The following CALM2 variants were observed in gnomAD, a reference collection of about 807,000 sequenced individuals.
The protein encoded by CALM2 is calmodulin-2.
CALM2 carries 2 observed loss-of-function variants against 19.8 expected under a neutral mutation model. That is an observed-to-expected ratio of 0.10 (90% CI 0.04 to 0.32). CALM2 has a LOEUF of 0.32. Among genes scored for constraint, CALM2 ranks in the 10% least tolerant of loss-of-function variants. The pLI is 1.00. For missense variants in CALM2, 38 were observed against 178.7 expected, an observed-to-expected ratio of 0.21 and a Z score of 4.49; for synonymous variants, 51 against 52.1, an observed-to-expected ratio of 0.98 and a Z score of 0.09.
At chr2:47,171,678 AT>A (rs1174129675) in intron 1 of CALM2, 1 of 152,194 alleles carries the variant, frequency 6.6e-6, no homozygotes, top group Non-Finnish European at 1.5e-5. Flanking sequence ...ATATACATCC[AT>A]GAAGCAACTG....
chr2:47,162,814 C>T (rs1396513099), intron 2 of CALM2, 152 bp from the exon 3 acceptor site: 5 of 579,456 alleles, frequency 8.6e-6, no homozygotes, highest in East Asian at 6.5e-5. Context: ...TAAGACCCCA[C>T]GTCTCAGAAA....
chr2:47,166,597 C>G (rs1264749915), intron 2 of CALM2, among the ~76,000 whole-genome samples: 3 of 152,120 alleles, frequency 2.0e-5, no homozygotes, highest in Admixed American at 2.0e-4. Flanking sequence ...AAGGTTTATT[C>G]CAAATTTTTA....
Position 47,175,097 on chromosome 2 carries a change from T to TTTTTTTTTTTTTCC in CALM2, c.3+1343_3+1344insGGAAAAAAAAAAAA, listed in dbSNP as rs751897252. Among the ~76,000 whole-genome samples the TTTTTTTTTTTTTCC allele has an allele frequency of 2.2e-4, 28 of 126,648 alleles. 5 individuals carry two copies. The highest frequency in any genetic ancestry group is 1.1e-3 in the African/African-American group (27 of 25,508). 83.1% of individuals were successfully genotyped at this position (126,648 alleles called of 152,430 possible). A position where few individuals can be genotyped will look rare whatever the true frequency, so the allele number is the denominator to read the frequency against. On this transcript the variant is annotated intron_variant, in intron 1 of 5. Transcript: ENST00000272298. The stretch of plus-strand genomic sequence containing the variant: ...TCATTAGGTGTTTTTTTTTTTTTTT[T>TTTTTTTTTTTTTCC]TCAGGAAAGAACATGATCTCCCAGT...
intron 3 of CALM2, 27 bp downstream of exon 3, chr2:47,162,492 C>T: frequency 6.2e-7 from 1 of 1,613,896 alleles, no homozygotes; most frequent in Non-Finnish European, 8.5e-7. Context: ...TTCAACCCCT[C>T]CCAGCCCCAC....
chr2:47,176,701 G>A (rs112074143), upstream of CALM2: 180 of 1,404,178 alleles, frequency 1.3e-4, 1 homozygote, highest in African/African-American at 2.1e-3. Context: ...GCGAACGGAT[G>A]ACGTAAGTGG....
At chr2:47,167,814 C>CTTTTCTTTTCTTTTTTTTTTTT in intron 2 of CALM2, 1 of 96,526 alleles carries the variant, frequency 1.0e-5, no homozygotes, top group Non-Finnish European at 1.8e-5. Context: ...TTTTTCTTTT[C>CTTTTCTTTTCTTTTTTTTTTTT]TTTGAGACAG....
At position 47,161,626 on chromosome 2, in the gene CALM2, C is replaced by G. The variant is rs2454084; in HGVS notation, c.421+97G>C. The G allele has an allele frequency of 0.8, 833,315 of 1,040,338 alleles. 321,512 individuals carry two copies. The highest frequency in any genetic ancestry group is 0.87 in the East Asian group (33,878 of 39,076). The allele number at this position is 1,040,338 out of a possible 1,614,324, so 64.4% of individuals were successfully genotyped here. A position where few individuals can be genotyped will look rare whatever the true frequency, so the allele number is the denominator to read the frequency against. The stretch of plus-strand genomic sequence containing the variant: ...AGTAACTGTTTTAGCAACCTAATTT[C>G]AGGGGAAGGGTCACTAATTTCGATC... On this transcript the variant is annotated intron_variant, in intron 5 of 5. Transcript: ENST00000272298.
intron 2 of CALM2, among the ~76,000 whole-genome samples, chr2:47,164,286 A>AACAC (rs202205834): frequency 1.4e-4 from 20 of 139,972 alleles, no homozygotes; most frequent in Middle Eastern, 3.5e-3. Context: ...TCTCTACTAA[A>AACAC]ACACACACAC....
At chr2:47,169,198 G>C (rs1035070312) in intron 2 of CALM2, among the ~76,000 whole-genome samples, 2 of 152,204 alleles carry the variant, frequency 1.3e-5, no homozygotes, top group African/African-American at 4.8e-5. Context: ...ACCTGTACCT[G>C]ACTGGGAATA....
At chr2:47,175,079 G>C (rs79228988) in intron 1 of CALM2, among the ~76,000 whole-genome samples, 400 of 11,054 alleles carry the variant, frequency 0.036, 12 homozygotes, top group East Asian at 0.28. Context: ...CCCTCATTAG[G>C]TGTTTTTTTT....
intron 4 of CALM2, 110 bp downstream of exon 4, chr2:47,162,176 A>ATC (rs1687178460): frequency 5.6e-6 from 1 of 178,030 alleles, no homozygotes; most frequent in African/African-American, 6.7e-5. Context: ...ATCATCAAAA[A>ATC]AAAAAAAAAA....
At chr2:47,164,604 AAAAAG>A (rs1666396811) in intron 2 of CALM2, among the ~76,000 whole-genome samples, 3 of 152,272 alleles carry the variant, frequency 2.0e-5, no homozygotes, top group South Asian at 2.1e-4. Context: ...TCAAAAAAAA[AAAAAG>A]AAAGAAAGAA....
Position 47,162,507 on chromosome 2 carries a change from T to C in CALM2, c.178+12A>G, listed in dbSNP as rs376209800. The C allele has an allele frequency of 2.4e-5, 38 of 1,613,982 alleles. 1 individual carries two copies. Among genetic ancestry groups the C allele is most frequent in the African/African-American group, 1.7e-4 (13 of 74,920 alleles). Reference sequence around the variant, plus strand: ...TTCAACCCCTCCCAGCCCCACAAAATTGAAGACTTACCATCAGCATCTACT... The same window carrying C: ...TTCAACCCCTCCCAGCCCCACAAAACTGAAGACTTACCATCAGCATCTACT... On this transcript the variant is annotated intron_variant, in intron 3 of 5. Coordinates refer to ENST00000272298, the MANE Select transcript of CALM2 (RefSeq NM_001743.6).
intron 2 of CALM2, chr2:47,167,470 G>C (rs901033729): frequency 6.3e-6 from 1 of 159,546 alleles, no homozygotes; most frequent in Non-Finnish European, 1.4e-5. Context: ...AAGGTAAGCG[G>C]ATCACCTGAC....
Position 47,176,423 on chromosome 2 carries a change from G to A in CALM2, c.3+18C>T. On this transcript the variant is annotated intron_variant, in intron 1 of 5. Transcript: ENST00000272298. ...TCCCCCCACAGGCCCAGCGCCGGCA[G>A]CTCAGCGATGCACTCACCATGCTGC... The A allele has an allele frequency of 6.2e-7, 1 of 1,612,830 alleles. No individual in the cohort carries two copies. The highest frequency in any genetic ancestry group is 8.5e-7 in the Non-Finnish European group (1 of 1,179,864).
At chr2:47,161,993 TG>T in intron 4 of CALM2, 135 bp from the exon 5 acceptor site, 1 of 741,380 alleles carries the variant, frequency 1.3e-6, no homozygotes, top group Non-Finnish European at 2.2e-6. Context: ...TCTACACAGT[TG>T]ACCTACAAAT....
Position 47,162,566 on chromosome 2 carries a change from G to A in CALM2, c.131C>T (p.Pro44Leu). The A allele has an allele frequency of 6.2e-7, 1 of 1,613,918 alleles. No individual in the cohort carries two copies. The highest frequency in any genetic ancestry group is 8.5e-7 in the Non-Finnish European group (1 of 1,179,900). The change falls in exon 3 of 6, where the codon CCC becomes CTC. Residue 44 changes from proline (P) to leucine (L), a missense_variant. Transcript: ENST00000272298. ...CATGTCCTGTAACTCTGCTTCTGTG[G>A]GATTCTGCCCAAGAGATCTCATTAC... Reference protein sequence around the residue: ...GTVMRSLGQNPTEAELQDMIN... With the variant: ...GTVMRSLGQNLTEAELQDMIN...
chr2:47,169,231 T>C (rs1452946825), intron 2 of CALM2, among the ~76,000 whole-genome samples: 1 of 152,166 alleles, frequency 6.6e-6, no homozygotes, highest in African/African-American at 2.4e-5. Flanking sequence ...TTACAGAAGG[T>C]CAGAGTTTAA....
intron 2 of CALM2, among the ~76,000 whole-genome samples, chr2:47,164,798 T>G (rs1411648706): frequency 2.6e-5 from 4 of 152,182 alleles, no homozygotes; most frequent in Admixed American, 6.5e-5. Flanking sequence ...ATTTGAAAAT[T>G]TATGTGACAC....
Sources: allele counts gnomAD v4.1 joint callset (sites outside exome capture counted in the v4.1 genomes callset), GRCh38; gene constraint gnomAD v4.1.1; transcripts MANE v1.5; gene names NCBI Gene and HGNC (gene_info 2026-07-23, HGNC 2026-07-21).